Variants in TRAPPC9 observed in about 807,000 individuals in gnomAD.
TRAPPC9 encodes trafficking protein particle complex subunit 9.
TRAPPC9 carries 83 observed loss-of-function variants against 124.0 expected under a neutral mutation model. That is an observed-to-expected ratio of 0.67 (90% confidence interval 0.56 to 0.80). The LOEUF is 0.80. Ranked by LOEUF, TRAPPC9 falls within the 30% of genes least tolerant of loss-of-function variation. The pLI is 0.00. For synonymous variants in TRAPPC9, 638 were observed against 617.5 expected, an observed-to-expected ratio of 1.03 and a Z score of -0.49; for missense variants, 1,302 against 1,508.3, an observed-to-expected ratio of 0.86 and a Z score of 2.27.
chr8:139,813,021 T>C (rs1824550607), intron 21 of TRAPPC9, among the ~76,000 whole-genome samples: 1 of 152,164 alleles, frequency 6.6e-6, no homozygotes, highest in Non-Finnish European at 1.5e-5. Flanking sequence ...CCGGCCCACT[T>C]CTCCACCCTT....
At position 139,984,303 on chromosome 8, in the gene TRAPPC9, G is replaced by A. The variant is rs942244602; in HGVS notation, c.2810+4423C>T. ...GCCTCCCTCCCAGGTAGCAGTGAGA[G>A]CACCACCTTCCGCTCCTGCTGGTAG... On this transcript the variant is annotated intron_variant, in intron 19 of 22. Coordinates refer to ENST00000438773, the MANE Select transcript of TRAPPC9 (RefSeq NM_001160372.4). The surrounding 1 kb of genome is among the most constrained non-coding windows in gnomAD (Gnocchi z 4.3). Among the ~76,000 whole-genome samples, 5 of 152,214 alleles carry A rather than the reference G, an allele frequency of 3.3e-5. No individual in the cohort carries two copies. Among genetic ancestry groups the A allele is most frequent in the Non-Finnish European group, 5.9e-5 (4 of 68,036 alleles).
At chr8:140,291,781 A>T (rs2065668185) in intron 11 of TRAPPC9, among the ~76,000 whole-genome samples, 1 of 152,376 alleles carries the variant, frequency 6.6e-6, no homozygotes, top group Admixed American at 6.5e-5. Flanking sequence ...AGGAGACCAT[A>T]TCCTTGCCTA....
At chr8:140,339,156 A>G (rs998064631) in intron 9 of TRAPPC9, among the ~76,000 whole-genome samples, 28 of 152,298 alleles carry the variant, frequency 1.8e-4, no homozygotes, top group African/African-American at 6.5e-4. Context: ...AGGCCTCAAA[A>G]CAAGCCAGCA....
Position 140,131,991 on chromosome 8 carries a change from G to A in TRAPPC9, c.2556+89468C>T, listed in dbSNP as rs111473385. Among the ~76,000 whole-genome samples the A allele has an allele frequency of 3.9e-5, 6 of 152,306 alleles. 1 individual carries two copies. Among genetic ancestry groups the A allele is most frequent in the African/African-American group, 1.4e-4 (6 of 41,558 alleles). ...CTTTCACAGTCGGCCCCCCAATGAG[G>A]ACATCTCTCACCCCTTCAGCCACAG... On this transcript the variant is annotated intron_variant, in intron 17 of 22. Coordinates refer to ENST00000438773, the MANE Select transcript of TRAPPC9 (RefSeq NM_001160372.4).
chr8:140,139,148 T>C (rs1199003885), intron 17 of TRAPPC9, among the ~76,000 whole-genome samples: 1 of 151,844 alleles, frequency 6.6e-6, no homozygotes, highest in Non-Finnish European at 1.5e-5. Context: ...AAGTCAAGAG[T>C]CCAATGGGCA....
At position 139,731,170 on chromosome 8, in the gene TRAPPC9, T is replaced by A; in HGVS notation, c.3338A>T (p.Asp1113Val). 1 of 1,613,566 alleles carries A rather than the reference T, an allele frequency of 6.2e-7. No homozygotes were observed. Among genetic ancestry groups the A allele is most frequent in the East Asian group, 2.2e-5 (1 of 44,816 alleles). ...GTGGAACCGGATGTGGAGGAAGAAG[T>A]CTCCCGTGTAGAGGAAGAGGAGGGC... ...LGALLFLYTG[D>V]FFLHIRFHED... Residue 1113 changes from aspartate (D) to valine (V), a missense_variant, in exon 23 of 23, where the codon GAC becomes GTC. Around this residue, in one of 3 missense-constraint regions of TRAPPC9, gnomAD observed 640 missense variants for 679.3 expected, o/e 0.94. Transcript: ENST00000438773.
chr8:139,773,467 G>A (rs543815088), intron 21 of TRAPPC9, among the ~76,000 whole-genome samples: 3 of 152,302 alleles, frequency 2.0e-5, no homozygotes, highest in East Asian at 1.9e-4. Context: ...CGACTGCCCC[G>A]AAGGGAAATG....
At position 139,816,601 on chromosome 8, in the gene TRAPPC9, G is replaced by A. The variant is rs539295846; in HGVS notation, c.3055+69278C>T. Among the ~76,000 whole-genome samples the A allele has an allele frequency of 2.8e-4, 40 of 144,838 alleles. 1 individual carries two copies. In the South Asian group the frequency reaches 4.2e-3, roughly 15 times the overall value. ...CACTGCTCCTCAGAGAACATCCCACGGCTCCTGAGTGTTCTCTGGGACCCA... is the reference window on the plus strand; with the variant it reads ...CACTGCTCCTCAGAGAACATCCCACAGCTCCTGAGTGTTCTCTGGGACCCA... On this transcript the variant is annotated intron_variant, in intron 21 of 22. Transcript: ENST00000438773.
chr8:139,964,736 C>T (rs184101197), intron 19 of TRAPPC9, among the ~76,000 whole-genome samples: 2 of 152,264 alleles, frequency 1.3e-5, no homozygotes, highest in African/African-American at 2.4e-5. Context: ...GGAAGCATGG[C>T]AACACTGTAT....
At chr8:140,206,777 A>ATATATATATATAT (rs1563845214) in intron 17 of TRAPPC9, among the ~76,000 whole-genome samples, 1 of 151,334 alleles carries the variant, frequency 6.6e-6, no homozygotes, top group African/African-American at 2.4e-5. Context: ...ATATATATTT[A>ATATATATATATAT]AAAAGCCCGT....
At chr8:140,210,913 A>G (rs1254444906) in intron 17 of TRAPPC9, among the ~76,000 whole-genome samples, 9 of 152,210 alleles carry the variant, frequency 5.9e-5, no homozygotes, top group Non-Finnish European at 1.3e-4. Context: ...GGGAACAGCC[A>G]TTCTGCTGCT....
intron 17 of TRAPPC9, among the ~76,000 whole-genome samples, chr8:140,140,439 T>C (rs2061366445): frequency 6.6e-6 from 1 of 152,152 alleles, no homozygotes; most frequent in African/African-American, 2.4e-5. Context: ...TTTTTGTTTT[T>C]GTTTTGGCCT....
chr8:139,979,216 C>T (rs1377760586), intron 19 of TRAPPC9, among the ~76,000 whole-genome samples: 1 of 152,198 alleles, frequency 6.6e-6, no homozygotes. Context: ...AAATCTCCTG[C>T]TGGGCCAGGC....
At chr8:140,217,112 C>T (rs1447379107) in intron 17 of TRAPPC9, among the ~76,000 whole-genome samples, 2 of 152,178 alleles carry the variant, frequency 1.3e-5, no homozygotes, top group Non-Finnish European at 2.9e-5. Context: ...AACTGGAGCA[C>T]AATATACGTT....
intron 21 of TRAPPC9, among the ~76,000 whole-genome samples, chr8:139,827,492 A>C (rs1165401268): frequency 6.6e-6 from 1 of 152,210 alleles, no homozygotes; most frequent in Non-Finnish European, 1.5e-5. Context: ...AGACGGGGCT[A>C]AGGGAGATGG....
intron 17 of TRAPPC9, among the ~76,000 whole-genome samples, chr8:140,053,068 T>C (rs934310168): frequency 2.6e-5 from 4 of 152,176 alleles, no homozygotes; most frequent in Non-Finnish European, 5.9e-5. Context: ...CCTACAGAAT[T>C]CCCACAAATG....
chr8:139,990,993 C>T (rs1837606067), intron 18 of TRAPPC9, among the ~76,000 whole-genome samples: 1 of 152,190 alleles, frequency 6.6e-6, no homozygotes, highest in Non-Finnish European at 1.5e-5. Context: ...GGGCTGCCTT[C>T]CCCAGAGGTT....
intron 15 of TRAPPC9, among the ~76,000 whole-genome samples, chr8:140,269,050 A>G (rs911105577): frequency 6.6e-6 from 1 of 152,120 alleles, no homozygotes; most frequent in African/African-American, 2.4e-5. Flanking sequence ...GAAACGTTCT[A>G]TATCCTGATA....
At chr8:140,384,811 A>C (rs1207875258) in intron 7 of TRAPPC9, among the ~76,000 whole-genome samples, 1 of 152,196 alleles carries the variant, frequency 6.6e-6, no homozygotes, top group Non-Finnish European at 1.5e-5. Flanking sequence ...GCTCTGCACC[A>C]AGCAGACCTA....
Sources: gnomAD v4.1 joint callset for allele counts (sites outside exome capture counted in the v4.1 genomes callset) on GRCh38, gnomAD v4.1.1 for gene constraint, gnomAD v4.1.1 regional missense constraint, Gnocchi (gnomAD v3.1) non-coding constraint, MANE v1.5 for transcripts, NCBI Gene and HGNC (gene_info 2026-07-23, HGNC 2026-07-21) for gene names.